The following RYR3 variants were observed in gnomAD, a reference collection of about 807,000 sequenced individuals.
RYR3 encodes brain ryanodine receptor-calcium release channel.
RYR3 carries 207 observed loss-of-function variants against 584.3 expected under a neutral mutation model. That is an observed-to-expected ratio of 0.35 (90% CI 0.32 to 0.40). The LOEUF (loss-of-function observed/expected upper bound fraction) is 0.40, where lower values mean the gene tolerates loss of function less well. Among genes scored for constraint, RYR3 ranks in the 10% least tolerant of loss-of-function variants. The probability of loss-of-function intolerance (pLI) is 1.00; values close to 1 mark genes in which losing one functional copy is unlikely to be tolerated. For missense variants in RYR3, 5,616 were observed against 6,089.2 expected, an observed-to-expected ratio of 0.92 and a Z score of 2.59; for synonymous variants, 2,416 against 2,248.5, an observed-to-expected ratio of 1.07 and a Z score of -2.11.
chr15:33,392,320 T>C (rs1378652128), intron 1 of RYR3, among the ~76,000 whole-genome samples: 3 of 151,438 alleles, frequency 2.0e-5, no homozygotes, highest in African/African-American at 7.3e-5. Flanking sequence ...TCCACTCTTA[T>C]TTCAAGGTAC....
At chr15:33,676,013 A>G (rs55913930) in intron 38 of RYR3, among the ~76,000 whole-genome samples, 11,142 of 152,124 alleles carry the variant, frequency 0.073, 443 homozygotes, top group African/African-American at 0.11. Context: ...CAATTCCTAG[A>G]ACCTGTGGAT....
intron 1 of RYR3, among the ~76,000 whole-genome samples, chr15:33,400,011 C>T (rs1368532026): frequency 6.6e-6 from 1 of 152,096 alleles, no homozygotes; most frequent in East Asian, 1.9e-4. Flanking sequence ...ATCACCAAGC[C>T]CTTCTCATGC....
chr15:33,744,145 C>A (rs1350629423), intron 52 of RYR3, among the ~76,000 whole-genome samples: 1 of 152,180 alleles, frequency 6.6e-6, no homozygotes, highest in Non-Finnish European at 1.5e-5. Context: ...ATTCTCACAG[C>A]GTTCACCAAC....
In RYR3 at chr15:33,865,480, C is replaced by G; in HGVS notation, c.*254C>G. On this transcript the variant is annotated 3_prime_UTR_variant, in exon 104 of 104. Transcript: ENST00000634891. ...AATCAAGTAATCTCTAGGCAAATGC[C>G]TTCAAGTTTTCCAGTTCTGAGGTAA... 2.4e-6 allele frequency: 1 copy of G among 420,228 alleles called. No homozygotes were observed. Among genetic ancestry groups the G allele is most frequent in the Non-Finnish European group, 4.3e-6 (1 of 235,006 alleles). 26.0% of individuals were successfully genotyped at this position (420,228 alleles called of 1,614,324 possible).
At chr15:33,689,829 T>G (rs561837963) in intron 38 of RYR3, among the ~76,000 whole-genome samples, 49 of 152,362 alleles carry the variant, frequency 3.2e-4, no homozygotes, top group South Asian at 3.1e-3. Flanking sequence ...TACACTTTAT[T>G]TTTTATTAAA....
chr15:33,675,191 G>C (rs2064097369), intron 38 of RYR3, among the ~76,000 whole-genome samples: 1 of 152,248 alleles, frequency 6.6e-6, no homozygotes, highest in African/African-American at 2.4e-5. Flanking sequence ...TGTGGGGAGG[G>C]AGGGGCTAAC....
chr15:33,727,553 CACTA>C (rs1226850494), intron 46 of RYR3, among the ~76,000 whole-genome samples: 1 of 152,136 alleles, frequency 6.6e-6, no homozygotes, highest in African/African-American at 2.4e-5. Context: ...AAACATAAAA[CACTA>C]ACTAATATCC....
chr15:33,407,364 G>A (rs2043095957), intron 1 of RYR3, among the ~76,000 whole-genome samples: 1 of 152,190 alleles, frequency 6.6e-6, no homozygotes, highest in Non-Finnish European at 1.5e-5. Flanking sequence ...TAAATGGGGA[G>A]CAGAGTAGCC....
intron 65 of RYR3, among the ~76,000 whole-genome samples, chr15:33,782,055 T>C (rs1172235443): frequency 6.6e-6 from 1 of 152,138 alleles, no homozygotes; most frequent in Non-Finnish European, 1.5e-5. Context: ...GTCATGACAG[T>C]TCTGGATATG....
rs565281176 is a variant in RYR3, at chr15:33,367,687, CA to C, written c.51+56595del. On this transcript the variant is annotated intron_variant, in intron 1 of 103. Transcript: ENST00000634891. ...AAGAAGTTACACTATGATTTCAAAA[CA>C]AAACAGCCAGACCCATTTTTATAGC... Among the ~76,000 whole-genome samples the C allele has an allele frequency of 6.6e-3, 1,000 of 152,258 alleles. 2 individuals carry two copies. The highest frequency in any genetic ancestry group is 0.012 in the Non-Finnish European group (783 of 68,020).
At chr15:33,795,846 T>C (rs916103057) in intron 67 of RYR3, among the ~76,000 whole-genome samples, 2 of 151,982 alleles carry the variant, frequency 1.3e-5, no homozygotes, top group Non-Finnish European at 2.9e-5. Context: ...AAGTCTCTCT[T>C]TCTAAAAGGC....
intron 64 of RYR3, among the ~76,000 whole-genome samples, chr15:33,777,899 GT>G (rs1306363899): frequency 6.6e-6 from 1 of 152,208 alleles, no homozygotes; most frequent in Non-Finnish European, 1.5e-5. Context: ...GCAGGACGCG[GT>G]GGCTCACGCC....
chr15:33,794,195 AT>A (rs2075402906), intron 67 of RYR3, among the ~76,000 whole-genome samples: 3 of 106,966 alleles, frequency 2.8e-5, no homozygotes, highest in African/African-American at 9.3e-5. Context: ...ATAAATATAT[AT>A]TATACACAAA....
intron 43 of RYR3, chr15:33,722,380 A>T (rs1378903900): frequency 6.8e-6 from 2 of 293,538 alleles, no homozygotes; most frequent in Admixed American, 1.1e-4. Flanking sequence ...AAGAGTAAAA[A>T]CCTGCTCTGT....
intron 70 of RYR3, among the ~76,000 whole-genome samples, chr15:33,810,214 A>T (rs544349287): frequency 6.6e-6 from 1 of 152,322 alleles, no homozygotes; most frequent in South Asian, 2.1e-4. Flanking sequence ...TCCGGAACTG[A>T]GTGAGCAATA....
At chr15:33,860,202 G>A (rs1331156709) in intron 100 of RYR3, among the ~76,000 whole-genome samples, 1 of 152,176 alleles carries the variant, frequency 6.6e-6, no homozygotes, top group African/African-American at 2.4e-5. Context: ...AAGACATGCA[G>A]GTGTTGAGGG....
At position 33,525,303 on chromosome 15, in the gene RYR3, C is replaced by T. The variant is rs950230116; in HGVS notation, c.280-5289C>T. Among the ~76,000 whole-genome samples the T allele has an allele frequency of 2.6e-5, 4 of 152,192 alleles. No homozygotes were observed. The South Asian group carries it at 6.2e-4, about 24-fold the overall frequency. ...TGTCTGTATTGTGCCACACTTTTCT[C>T]TTTGAATCAGAGTATCAGAGTGAAT... On this transcript the variant is annotated intron_variant, in intron 3 of 103. Transcript: ENST00000634891.
intron 1 of RYR3, among the ~76,000 whole-genome samples, chr15:33,445,380 A>C (rs1182942798): frequency 6.6e-6 from 1 of 152,156 alleles, no homozygotes; most frequent in Non-Finnish European, 1.5e-5. Flanking sequence ...GTATTTTCAG[A>C]GATGGAGGAG....
intron 3 of RYR3, among the ~76,000 whole-genome samples, chr15:33,523,259 G>A (rs549942553): frequency 2.6e-5 from 4 of 152,258 alleles, no homozygotes; most frequent in African/African-American, 7.2e-5. Flanking sequence ...AGCCAGCAGC[G>A]GCAACCTGCT....
Sources: allele counts gnomAD v4.1 joint callset (sites outside exome capture counted in the v4.1 genomes callset), GRCh38; gene constraint gnomAD v4.1.1; transcripts MANE v1.5; gene names NCBI Gene and HGNC (gene_info 2026-07-23, HGNC 2026-07-21).